The following AMOTL1 variants were observed in gnomAD, a reference collection of about 807,000 sequenced individuals.
The protein encoded by AMOTL1 is angiomotin-like protein 1.
In AMOTL1, 45 loss-of-function variants were observed where a neutral mutation model predicts 102.9. The ratio of observed to expected loss-of-function variants is 0.44; its 90% CI spans 0.34 to 0.56. AMOTL1 has a LOEUF of 0.56. Among genes scored for constraint, AMOTL1 ranks in the 20% least tolerant of loss-of-function variants. AMOTL1 has a pLI of 0.01. For synonymous variants in AMOTL1, 481 were observed against 484.7 expected (o/e 0.99, Z 0.10); for missense variants, 1,114 against 1,225.6 (o/e 0.91, Z 1.36).
chr11:94,807,690 G>T (rs1951590189), intron 3 of AMOTL1, among the ~76,000 whole-genome samples: 2 of 152,110 alleles, frequency 1.3e-5, no homozygotes, highest in African/African-American at 2.4e-5. Context: ...TATATCTTGA[G>T]AAATTTGTTA....
chr11:94,801,298 G>A (rs1325398493), intron 3 of AMOTL1, among the ~76,000 whole-genome samples: 1 of 152,144 alleles, frequency 6.6e-6, no homozygotes, highest in African/African-American at 2.4e-5. Flanking sequence ...TGGAATGAGT[G>A]GCAATAATGC....
At chr11:94,740,249 C>T (rs1252820119) in intron 2 of AMOTL1, 1 of 152,368 alleles carries the variant, frequency 6.6e-6, no homozygotes, top group African/African-American at 2.4e-5. Context: ...CGTCCATCTC[C>T]TCAGGAGAAG....
chr11:94,767,584 G>A (rs914552682), upstream of AMOTL1, among the ~76,000 whole-genome samples: 3 of 152,156 alleles, frequency 2.0e-5, no homozygotes, highest in African/African-American at 7.2e-5. Context: ...AGAGCTGCCC[G>A]GAAAAAGCCA....
At chr11:94,785,101 AAAAAATAACAC>A (rs1951165117) in intron 1 of AMOTL1, among the ~76,000 whole-genome samples, 1 of 152,206 alleles carries the variant, frequency 6.6e-6, no homozygotes, top group Non-Finnish European at 1.5e-5. Context: ...AAGCTTTTAT[AAAAAATAACAC>A]AAAGAGAATG....
chr11:94,850,349 C>T, intron 7 of AMOTL1, 90 bp downstream of exon 7: 2 of 1,441,940 alleles, frequency 1.4e-6, no homozygotes, highest in Non-Finnish European at 1.8e-6. Context: ...CCTACTTTAA[C>T]CAGAGCCAAT....
chr11:94,789,535 GA>G lies in AMOTL1; in HGVS notation c.50-5475del, dbSNP rs562470460. 1.3e-3 allele frequency among the ~76,000 whole-genome samples: 201 copies of G among 152,326 alleles called. 1 individual carries two copies. The highest frequency in any genetic ancestry group is 3.4e-3 in the Middle Eastern group (1 of 294). ...TGCTGCCTGTCAGTGCTGCCCTTAA[GA>G]TTGTGAATCAGCTAATCCAGATGAG... On this transcript the variant is annotated intron_variant, in intron 1 of 12. Transcript: ENST00000433060.
intron 3 of AMOTL1, among the ~76,000 whole-genome samples, chr11:94,806,575 C>A (rs1225307481): frequency 6.6e-6 from 1 of 152,120 alleles, no homozygotes; most frequent in African/African-American, 2.4e-5. Flanking sequence ...GTTTTGAATA[C>A]CAGCATGGGA....
chr11:94,814,373 G>A (rs897214645), intron 3 of AMOTL1, among the ~76,000 whole-genome samples: 5 of 152,184 alleles, frequency 3.3e-5, no homozygotes, highest in African/African-American at 9.7e-5. Context: ...ACTCAGTTAC[G>A]CATTCATGCT....
chr11:94,753,749 T>G (rs1336127783), intron 3 of AMOTL1, among the ~76,000 whole-genome samples: 1 of 152,192 alleles, frequency 6.6e-6, no homozygotes, highest in Non-Finnish European at 1.5e-5. Flanking sequence ...CTCCTGATTC[T>G]CAATAACAGA....
In AMOTL1 at chr11:94,826,138, C is replaced by A. The variant is rs573416036; in HGVS notation, c.1414-3912C>A. ...CATGTCTACTAAAAAAGAAAAAATA[C>A]AAAAATTACCCAGCCATGGTGATGC... On this transcript the variant is annotated intron_variant, in intron 4 of 12. Coordinates refer to ENST00000433060, the MANE Select transcript of AMOTL1 (RefSeq NM_130847.3). Among the ~76,000 whole-genome samples, 2 of 152,128 alleles carry A rather than the reference C, an allele frequency of 1.3e-5. 1 individual carries two copies. Among genetic ancestry groups the A allele is most frequent in the African/African-American group, 4.8e-5 (2 of 41,508 alleles).
chr11:94,861,187 C>G (rs1286084440), intron 9 of AMOTL1, among the ~76,000 whole-genome samples: 1 of 152,180 alleles, frequency 6.6e-6, no homozygotes, highest in Non-Finnish European at 1.5e-5. Context: ...GGGATAGACA[C>G]TTGAGATGGT....
chr11:94,847,755 T>TG (rs999557953), intron 6 of AMOTL1, among the ~76,000 whole-genome samples: 5 of 70,024 alleles, frequency 7.1e-5, no homozygotes, highest in African/African-American at 2.3e-4. Context: ...ATATATGCGG[T>TG]GGGGGGGTGT....
At chr11:94,825,580 G>C (rs904441260) in intron 4 of AMOTL1, among the ~76,000 whole-genome samples, 1 of 152,128 alleles carries the variant, frequency 6.6e-6, no homozygotes, top group Non-Finnish European at 1.5e-5. Context: ...CTGACACCTA[G>C]GCCGAAAAGG....
intron 1 of AMOTL1, among the ~76,000 whole-genome samples, chr11:94,791,687 G>T (rs1390259034): frequency 2.0e-5 from 3 of 152,214 alleles, no homozygotes; most frequent in African/African-American, 7.2e-5. Flanking sequence ...CTTTCTGGGT[G>T]GTAATGGTAT....
chr11:94,829,246 G>A (rs977096448), intron 4 of AMOTL1, among the ~76,000 whole-genome samples: 7 of 146,886 alleles, frequency 4.8e-5, no homozygotes, highest in African/African-American at 1.0e-4. Context: ...TTGGTGAGAC[G>A]GAATCTCACT....
chr11:94,850,005 T>C, intron 6 of AMOTL1, 109 bp from the exon 7 acceptor site: 1 of 1,283,238 alleles, frequency 7.8e-7, no homozygotes, highest in Non-Finnish European at 1.1e-6. Context: ...CAGTCCTCCA[T>C]TATTTGCATG....
chr11:94,746,936 G>A (rs1346683134), intron 3 of AMOTL1, among the ~76,000 whole-genome samples: 1 of 151,968 alleles, frequency 6.6e-6, no homozygotes, highest in Non-Finnish European at 1.5e-5. Flanking sequence ...ATGACGGAGT[G>A]AGGGTGTGAC....
chr11:94,866,578 GGA>G (rs1952888206), intron 11 of AMOTL1: 1 of 211,644 alleles, frequency 4.7e-6, no homozygotes, highest in African/African-American at 2.3e-5. Context: ...TACCCCATGG[GGA>G]GTGGGAGGGA....
chr11:94,768,633 G>C, intron 1 of AMOTL1, 73 bp downstream of exon 1: 1 of 1,548,690 alleles, frequency 6.5e-7, no homozygotes, highest in Admixed American at 2.0e-5. Context: ...GTCGCCCCGG[G>C]CTCCCCGGGC....
Sources: gnomAD v4.1 joint callset for allele counts (sites outside exome capture counted in the v4.1 genomes callset) on GRCh38, gnomAD v4.1.1 for gene constraint, MANE v1.5 for transcripts, NCBI Gene and HGNC (gene_info 2026-07-23, HGNC 2026-07-21) for gene names.